VWC2: variants seen among roughly 807,000 people sequenced by gnomAD.
VWC2 encodes von Willebrand factor C domain containing 2.
VWC2 carries 14 observed loss-of-function variants against 29.8 expected under a neutral mutation model. The observed-to-expected ratio is 0.47, with a 90% CI of 0.31 to 0.74. The LOEUF is 0.74. Among genes scored for constraint, VWC2 ranks in the 30% least tolerant of loss-of-function variants. The pLI, the probability that VWC2 is intolerant of heterozygous loss-of-function variation, is 0.05. For missense variants in VWC2, 457 were observed against 459.8 expected (o/e 0.99, Z 0.05); for synonymous variants, 213 against 199.0 (o/e 1.07, Z -0.59).
chr7:49,787,791 G>A (rs1319981867), intron 2 of VWC2, among the ~76,000 whole-genome samples: 2 of 152,216 alleles, frequency 1.3e-5, no homozygotes, highest in African/African-American at 2.4e-5. Context: ...TCTAATGTCA[G>A]CCTCCCAGCT....
chr7:49,792,707 C>T (rs929900409), intron 2 of VWC2, among the ~76,000 whole-genome samples: 6 of 152,232 alleles, frequency 3.9e-5, no homozygotes, highest in Non-Finnish European at 7.3e-5. Context: ...TCCCCATCTG[C>T]GCTGTGTCCA....
intron 3 of VWC2, among the ~76,000 whole-genome samples, chr7:49,885,751 T>C (rs977934680): frequency 6.6e-6 from 1 of 152,226 alleles, no homozygotes; most frequent in Non-Finnish European, 1.5e-5. Flanking sequence ...TTAGATGCGG[T>C]TAAAGTATTG....
rs1055462653 is a variant in VWC2, at chr7:49,917,555, C to T, written c.*5370C>T. Reference sequence around the variant, plus strand: ...TATATAGGCACAGAATTATCAAAAGCAATCAAAGTATGTACCTAAAGTCAA... The same window carrying T: ...TATATAGGCACAGAATTATCAAAAGTAATCAAAGTATGTACCTAAAGTCAA... On this transcript the variant is annotated 3_prime_UTR_variant, in exon 4 of 4. Coordinates refer to ENST00000340652, the MANE Select transcript of VWC2 (RefSeq NM_198570.5). 1 of 152,106 alleles carries T rather than the reference C, an allele frequency of 6.6e-6. No individual in the cohort carries two copies. Among genetic ancestry groups the T allele is most frequent in the African/African-American group, 2.4e-5 (1 of 41,422 alleles). 9.4% of individuals were successfully genotyped at this position (152,106 alleles called of 1,614,324 possible). A position where few individuals can be genotyped will look rare whatever the true frequency, so the allele number is the denominator to read the frequency against.
intron 3 of VWC2, among the ~76,000 whole-genome samples, chr7:49,803,469 G>C (rs1370797907): frequency 6.6e-6 from 1 of 152,208 alleles, no homozygotes; most frequent in East Asian, 1.9e-4. Flanking sequence ...AGGCTGGCTG[G>C]GCCTGAGAAT....
intron 3 of VWC2, among the ~76,000 whole-genome samples, chr7:49,831,437 G>GA (rs1789522734): frequency 3.3e-5 from 5 of 152,108 alleles, no homozygotes; most frequent in African/African-American, 1.2e-4. Flanking sequence ...GAACATGTAG[G>GA]GACTTCAGGG....
At chr7:49,802,474 T>C (rs555431591) in intron 2 of VWC2, among the ~76,000 whole-genome samples, 1 of 152,000 alleles carries the variant, frequency 6.6e-6, no homozygotes, top group East Asian at 1.9e-4. Context: ...CCCATCTCTA[T>C]AAAAAACACA....
chr7:49,894,466 C>G (rs982635936), intron 3 of VWC2, among the ~76,000 whole-genome samples: 6 of 152,234 alleles, frequency 3.9e-5, no homozygotes, highest in Admixed American at 6.5e-5. Flanking sequence ...TATGGCTTAC[C>G]ATCCCTTGTT....
intron 3 of VWC2, among the ~76,000 whole-genome samples, chr7:49,841,445 G>A (rs1789790891): frequency 6.6e-6 from 1 of 152,098 alleles, no homozygotes. Flanking sequence ...TTTAAGGTAG[G>A]GATTCAGTGT....
intron 3 of VWC2, among the ~76,000 whole-genome samples, chr7:49,822,019 T>C (rs566966933): frequency 3.8e-4 from 58 of 152,334 alleles, no homozygotes; most frequent in Non-Finnish European, 6.9e-4. Context: ...ATGGCAGTAG[T>C]GCTTTCTCTT....
rs1452800334 is a variant in VWC2, at chr7:49,911,918, T to TACATGCACACACAC, written c.827-113_827-112insTGCACACACACACA. 6 of 223,014 alleles carry TACATGCACACACAC rather than the reference T, an allele frequency of 2.7e-5. No individual in the cohort carries two copies. The African/African-American group carries it at 2.8e-4, about 10-fold the overall frequency. The allele number at this position is 223,014 out of a possible 1,614,324, so 13.8% of individuals were successfully genotyped here. ...TCTCAAAAACAAACAAACAAACAAA[T>TACATGCACACACAC]ACACGCACACACACACACACACACA... is the stretch of plus-strand genomic sequence containing the variant. On this transcript the variant is annotated intron_variant, in intron 3 of 3. Transcript: ENST00000340652.
At chr7:49,788,151 C>G (rs976677388) in intron 2 of VWC2, among the ~76,000 whole-genome samples, 2 of 152,200 alleles carry the variant, frequency 1.3e-5, no homozygotes, top group Admixed American at 6.5e-5. Context: ...CAGTGCCTGT[C>G]CACTCCTGGC....
At chr7:49,792,455 C>T (rs985297911) in intron 2 of VWC2, among the ~76,000 whole-genome samples, 1 of 152,220 alleles carries the variant, frequency 6.6e-6, no homozygotes, top group Non-Finnish European at 1.5e-5. Context: ...CAGGCAGTGA[C>T]TGCGAGGATT....
intron 2 of VWC2, among the ~76,000 whole-genome samples, chr7:49,796,580 G>A (rs1583633211): frequency 6.6e-6 from 1 of 152,224 alleles, no homozygotes; most frequent in East Asian, 1.9e-4. Flanking sequence ...CATCCCGGTA[G>A]ATGGTGAGGG....
Position 49,775,404 on chromosome 7 carries a change from C to A in VWC2, c.-32C>A, listed in dbSNP as rs779722859. On this transcript the variant is annotated 5_prime_UTR_variant, in exon 2 of 4. Coordinates refer to ENST00000340652, the MANE Select transcript of VWC2 (RefSeq NM_198570.5). ...GCGACTCGCCCCTCGGCCGCGCTCC[C>A]CGCCCGCCCGCCCGCCGGGACGTGG... 3.1e-6 allele frequency: 3 copies of A among 960,934 alleles called. No homozygotes were observed. The highest frequency in any genetic ancestry group is 5.1e-5 in the South Asian group (2 of 38,898). 59.5% of individuals were successfully genotyped at this position (960,934 alleles called of 1,614,324 possible).
intron 3 of VWC2, among the ~76,000 whole-genome samples, 189 bp from the exon 4 acceptor site, chr7:49,911,845 C>T (rs568740297): frequency 2.0e-5 from 3 of 151,424 alleles, no homozygotes; most frequent in South Asian, 2.1e-4. Context: ...TGCAGTGAGC[C>T]GAGATCGTGC....
chr7:49,840,792 C>G (rs1452573855), intron 3 of VWC2, among the ~76,000 whole-genome samples: 1 of 152,096 alleles, frequency 6.6e-6, no homozygotes, highest in African/African-American at 2.4e-5. Context: ...GTTAGTTTCC[C>G]CGTATTTCAG....
At chr7:49,783,420 G>A (rs1788221287) in intron 2 of VWC2, among the ~76,000 whole-genome samples, 1 of 152,128 alleles carries the variant, frequency 6.6e-6, no homozygotes, top group African/African-American at 2.4e-5. Flanking sequence ...TGGGCCAGAT[G>A]TTCTAGGGAA....
At chr7:49,806,969 G>A (rs1788892538) in intron 3 of VWC2, among the ~76,000 whole-genome samples, 1 of 152,166 alleles carries the variant, frequency 6.6e-6, no homozygotes, top group African/African-American at 2.4e-5. Context: ...TGTTTAGCAA[G>A]ATCAGTGTTT....
chr7:49,798,284 A>G (rs772834673), intron 2 of VWC2, among the ~76,000 whole-genome samples: 48 of 152,182 alleles, frequency 3.2e-4, no homozygotes, highest in Non-Finnish European at 6.6e-4. Flanking sequence ...TCACTCCTAG[A>G]CATTTGGGTC....
Sources: allele counts gnomAD v4.1 joint callset (sites outside exome capture counted in the v4.1 genomes callset), GRCh38; gene constraint gnomAD v4.1.1; transcripts MANE v1.5; gene names NCBI Gene and HGNC (gene_info 2026-07-23, HGNC 2026-07-21).